Variants in CPAP observed in about 807,000 individuals in gnomAD.
CPAP encodes the protein centrosomal P4.1-associated protein.
At chr13:24,893,155 C>T in the CPAP span, among the ~76,000 whole-genome samples, 1 of 152,040 alleles carries the variant, frequency 6.6e-6, no homozygotes, top group African/African-American at 2.4e-5. Context: ...AAAGACCTCA[C>T]CTGAGCTATT....
At chr13:24,913,787 A>G in the CPAP span, among the ~76,000 whole-genome samples, 818 of 152,384 alleles carry the variant, frequency 5.4e-3, 21 homozygotes, top group East Asian at 0.081. Context: ...CTTATGGCAT[A>G]AGCCAATGAA....
At chr13:24,907,355 C>T in the CPAP span, among the ~76,000 whole-genome samples, 4 of 152,184 alleles carry the variant, frequency 2.6e-5, no homozygotes, top group East Asian at 3.8e-4. Flanking sequence ...TCCCTCTCCA[C>T]ACCTTAAAAT....
the CPAP span, chr13:24,885,179 T>C: frequency 1.2e-6 from 1 of 818,248 alleles, no homozygotes; most frequent in Non-Finnish European, 2.0e-6. Flanking sequence ...AAAGGCATCT[T>C]GTCCAAAGAG....
At chr13:24,904,053 T>C in the CPAP span, 1 of 1,613,892 alleles carries the variant, frequency 6.2e-7, no homozygotes, top group Non-Finnish European at 8.5e-7. Flanking sequence ...GATCGAGCAT[T>C]GTCACCTATG....
At chr13:24,888,449 G>A in the CPAP span, among the ~76,000 whole-genome samples, 12 of 152,182 alleles carry the variant, frequency 7.9e-5, no homozygotes, top group Non-Finnish European at 1.5e-4. Flanking sequence ...CTGACTAAAT[G>A]TAAGAAAACA....
the CPAP span, among the ~76,000 whole-genome samples, chr13:24,901,183 G>GCA: frequency 6.6e-6 from 1 of 152,164 alleles, no homozygotes; most frequent in African/African-American, 2.4e-5. Context: ...TCGACCGTGT[G>GCA]CACACAATCA....
At chr13:24,885,425 C>T in the CPAP span, 4 of 1,416,344 alleles carry the variant, frequency 2.8e-6, no homozygotes, top group Non-Finnish European at 3.0e-6. Flanking sequence ...AAAACCTACT[C>T]TTACTTCCAA....
At chr13:24,905,561 T>A in the CPAP span, 1 of 1,614,204 alleles carries the variant, frequency 6.2e-7, no homozygotes, top group Non-Finnish European at 8.5e-7. Context: ...ATTATTAGGG[T>A]AGCATGTCTG....
chr13:24,904,088 C>CA, the CPAP span: 3 of 1,611,650 alleles, frequency 1.9e-6, no homozygotes, highest in South Asian at 3.3e-5. Flanking sequence ...TACTGAACTT[C>CA]AAAAAAGGCA....
the CPAP span, among the ~76,000 whole-genome samples, chr13:24,898,145 C>G: frequency 6.6e-6 from 1 of 152,190 alleles, no homozygotes; most frequent in Non-Finnish European, 1.5e-5. Flanking sequence ...ATCTGCCTGC[C>G]TTGGCTTCCC....
At chr13:24,889,343 A>G in the CPAP span, 1 of 1,612,016 alleles carries the variant, frequency 6.2e-7, no homozygotes, top group African/African-American at 1.3e-5. Context: ...TTTTTCTTGT[A>G]TTTTTCTACC....
chr13:24,883,229 C>T, the CPAP span: 55 of 1,613,910 alleles, frequency 3.4e-5, no homozygotes, highest in Admixed American at 2.0e-4. Context: ...AACTCTTATC[C>T]GACCGGATCT....
the CPAP span, among the ~76,000 whole-genome samples, chr13:24,907,476 T>C: frequency 0.33 from 50,918 of 152,040 alleles, 9,158 homozygotes; most frequent in Admixed American, 0.42. Context: ...CAAATAACTT[T>C]AAAATGTATT....
the CPAP span, among the ~76,000 whole-genome samples, chr13:24,921,825 C>T: frequency 6.6e-6 from 1 of 152,130 alleles, no homozygotes; most frequent in South Asian, 2.1e-4. Context: ...TCTCCTCCTC[C>T]AACTCCCCAC....
chr13:24,915,056 CTGAG>C, the CPAP span, among the ~76,000 whole-genome samples: 2,597 of 152,024 alleles, frequency 0.017, 74 homozygotes, highest in African/African-American at 0.059. Context: ...GCCTAGGCAA[CTGAG>C]TGAGACTCTC....
chr13:24,882,568 T>C, the CPAP span: 2 of 153,338 alleles, frequency 1.3e-5, no homozygotes, highest in Non-Finnish European at 2.9e-5. Flanking sequence ...CTCTCAAGTA[T>C]CCCATTTTGA....
the CPAP span, chr13:24,905,341 C>T: frequency 6.2e-7 from 1 of 1,612,904 alleles, no homozygotes; most frequent in Non-Finnish European, 8.5e-7. Context: ...AATGCTCTGA[C>T]TCACCAGGTG....
chr13:24,906,122 T>C, the CPAP span: 1 of 1,612,990 alleles, frequency 6.2e-7, no homozygotes, highest in Admixed American at 1.7e-5. Flanking sequence ...GTGGTCCAAA[T>C]CCTCACTGCG....
the CPAP span, chr13:24,908,065 GTTC>G: frequency 1.2e-6 from 2 of 1,612,890 alleles, no homozygotes; most frequent in African/African-American, 1.3e-5. Context: ...GTTTTTGTAA[GTTC>G]TTATCATTTG....
Sources: allele counts gnomAD v4.1 joint callset (sites outside exome capture counted in the v4.1 genomes callset), GRCh38; gene constraint gnomAD v4.1.1; transcripts MANE v1.5; gene names NCBI Gene and HGNC (gene_info 2026-07-23, HGNC 2026-07-21).